RAPGEF4: variants seen among roughly 807,000 people sequenced by gnomAD.
RAPGEF4 encodes Rap guanine nucleotide exchange factor 4.
Under a neutral mutation model 147.9 loss-of-function variants are expected in RAPGEF4, and 66 were observed. The observed-to-expected ratio is 0.45, with a 90% CI of 0.37 to 0.55. The LOEUF is 0.55. Ranked by LOEUF, RAPGEF4 falls within the 20% of genes least tolerant of loss-of-function variation. The pLI is 0.00. For missense variants in RAPGEF4, 1,071 were observed against 1,257.3 expected (o/e 0.85, Z 2.24); for synonymous variants, 419 against 442.7 (o/e 0.95, Z 0.67).
At chr2:172,967,939 C>T (rs1004551591) in intron 10 of RAPGEF4, among the ~76,000 whole-genome samples, 1 of 152,216 alleles carries the variant, frequency 6.6e-6, no homozygotes, top group African/African-American at 2.4e-5. Flanking sequence ...ACCACAACTG[C>T]ATTACCCCTG....
At chr2:172,758,377 T>C (rs1225500571) in intron 1 of RAPGEF4, among the ~76,000 whole-genome samples, 1 of 152,060 alleles carries the variant, frequency 6.6e-6, no homozygotes, top group African/African-American at 2.4e-5. Context: ...CTGAGTGAAA[T>C]AGGAGCCATG....
chr2:172,806,211 G>T (rs528483322), intron 3 of RAPGEF4, among the ~76,000 whole-genome samples: 1 of 152,010 alleles, frequency 6.6e-6, no homozygotes, highest in African/African-American at 2.4e-5. Context: ...AAGTAAAAAG[G>T]CTTTTCCAGT....
At chr2:172,958,864 T>C (rs1417681950) in intron 6 of RAPGEF4, among the ~76,000 whole-genome samples, 1 of 152,242 alleles carries the variant, frequency 6.6e-6, no homozygotes, top group African/African-American at 2.4e-5. Context: ...TTTCCTTAAT[T>C]CTATTATAAA....
intron 29 of RAPGEF4, among the ~76,000 whole-genome samples, chr2:173,041,432 T>C (rs1180328848): frequency 3.3e-5 from 5 of 152,130 alleles, no homozygotes; most frequent in Non-Finnish European, 7.3e-5. Flanking sequence ...AACAACATAA[T>C]GTGTGGAGTG....
At chr2:172,907,019 C>A (rs1432338334) in intron 4 of RAPGEF4, among the ~76,000 whole-genome samples, 2 of 152,176 alleles carry the variant, frequency 1.3e-5, no homozygotes, top group Non-Finnish European at 2.9e-5. Flanking sequence ...CAGCCCCAGG[C>A]CAGGGCTCAA....
chr2:172,807,971 C>G (rs948712616), intron 3 of RAPGEF4, among the ~76,000 whole-genome samples: 1 of 152,156 alleles, frequency 6.6e-6, no homozygotes, highest in Non-Finnish European at 1.5e-5. Context: ...TTTAGAAAAT[C>G]TAGATGTACT....
rs573065663 is a variant in RAPGEF4 at position 172,914,319 on chromosome 2, A to ATTTTTTTTTTTTTTTTTTTTTTTTTTT, written c.445-3477_445-3451dup. Among the ~76,000 whole-genome samples the ATTTTTTTTTTTTTTTTTTTTTTTTTTT allele has an allele frequency of 3.2e-5, 2 of 62,412 alleles. 1 individual carries two copies. The highest frequency in any genetic ancestry group is 5.7e-5 in the Non-Finnish European group (2 of 35,222). The allele number at this position is 62,412 out of a possible 152,430, so 40.9% of individuals were successfully genotyped here. On this transcript the variant is annotated intron_variant, in intron 4 of 30. Coordinates refer to ENST00000397081, the MANE Select transcript of RAPGEF4 (RefSeq NM_007023.4). ...CCTAGCTCAGTCAAAGGAAATATGC[A>ATTTTTTTTTTTTTTTTTTTTTTTTTTT]TTTTTTTTTTTTTTTTTTTTTTTTT...
At chr2:172,821,869 G>A in intron 4 of RAPGEF4, 1 of 1,587,468 alleles carries the variant, frequency 6.3e-7, no homozygotes, top group African/African-American at 1.3e-5. Flanking sequence ...CACGAACAGG[G>A]AATGAACGGC....
chr2:173,005,291 A>G (rs890635755), intron 17 of RAPGEF4, among the ~76,000 whole-genome samples: 3 of 152,016 alleles, frequency 2.0e-5, no homozygotes, highest in Non-Finnish European at 1.5e-5. Context: ...TATTGTCTCA[A>G]TTTAGTGCTT....
chr2:172,818,220 C>T (rs12473986), intron 4 of RAPGEF4, among the ~76,000 whole-genome samples: 42,822 of 151,500 alleles, frequency 0.28, 6,314 homozygotes, highest in East Asian at 0.44. Context: ...AAAAGACTAC[C>T]ATTGGGTACA....
rs534966123 is a variant in RAPGEF4 at position 173,012,849 on chromosome 2, C to T, written c.1659-1615C>T. Among the ~76,000 whole-genome samples, 219 of 152,258 alleles carry T rather than the reference C, an allele frequency of 1.4e-3. 1 individual carries two copies. The highest frequency in any genetic ancestry group is 0.01 in the Middle Eastern group (3 of 294). ...TACCATGCATCTGACTATGCTCCTA[C>T]GTGCCATTAAAAAATGGTCATAAAA... On this transcript the variant is annotated intron_variant, in intron 17 of 30. Coordinates refer to ENST00000397081, the MANE Select transcript of RAPGEF4 (RefSeq NM_007023.4).
At chr2:173,001,747 C>G (rs1693941806) in intron 17 of RAPGEF4, among the ~76,000 whole-genome samples, 1 of 151,834 alleles carries the variant, frequency 6.6e-6, no homozygotes, top group African/African-American at 2.4e-5. Flanking sequence ...GAAGGGGGAG[C>G]AGGAGCGAGG....
At chr2:172,937,291 G>A (rs926348599) in intron 6 of RAPGEF4, among the ~76,000 whole-genome samples, 2 of 151,576 alleles carry the variant, frequency 1.3e-5, no homozygotes, top group African/African-American at 2.4e-5. Flanking sequence ...TTTTCTATTC[G>A]AAAATTCTAT....
At chr2:172,969,285 T>A (rs996094837) in intron 10 of RAPGEF4, among the ~76,000 whole-genome samples, 2 of 152,244 alleles carry the variant, frequency 1.3e-5, no homozygotes, top group African/African-American at 4.8e-5. Context: ...AGGTAAACAT[T>A]GAACAAGAAG....
At chr2:172,789,318 T>C (rs6712008) in intron 1 of RAPGEF4, among the ~76,000 whole-genome samples, 127,180 of 152,230 alleles carry the variant, frequency 0.84, 54,058 homozygotes, top group Non-Finnish European at 0.92. Context: ...CTTTGCCGTA[T>C]TCTATTGGCT....
chr2:172,956,380 C>G (rs1317619246), intron 6 of RAPGEF4, among the ~76,000 whole-genome samples: 1 of 152,152 alleles, frequency 6.6e-6, no homozygotes, highest in African/African-American at 2.4e-5. Context: ...CTGCACTGGA[C>G]TGCTACTCCT....
At chr2:172,868,046 T>C (rs1268349648) in intron 4 of RAPGEF4, among the ~76,000 whole-genome samples, 1 of 152,238 alleles carries the variant, frequency 6.6e-6, no homozygotes, top group Non-Finnish European at 1.5e-5. Context: ...AAAATTTAAC[T>C]GTTAGTCAAT....
chr2:172,854,210 G>C (rs113735385), intron 4 of RAPGEF4, among the ~76,000 whole-genome samples: 1 of 151,724 alleles, frequency 6.6e-6, no homozygotes, highest in South Asian at 2.1e-4. Flanking sequence ...CCAAGTATTT[G>C]TCTTTTTCTT....
chr2:173,009,231 A>G (rs1449981877), intron 17 of RAPGEF4, among the ~76,000 whole-genome samples: 3 of 152,244 alleles, frequency 2.0e-5, no homozygotes, highest in African/African-American at 7.2e-5. Context: ...ATTCCGGGTA[A>G]CTTAATTAAA....
Sources: allele counts gnomAD v4.1 joint callset (sites outside exome capture counted in the v4.1 genomes callset), GRCh38; gene constraint gnomAD v4.1.1; transcripts MANE v1.5; gene names NCBI Gene and HGNC (gene_info 2026-07-23, HGNC 2026-07-21).